LRP2: variants seen among roughly 807,000 people sequenced by gnomAD.
LRP2 encodes the protein low-density lipoprotein receptor-related protein 2.
Under a neutral mutation model 531.0 loss-of-function variants are expected in LRP2, and 172 were observed. That is an observed-to-expected ratio of 0.32 (90% CI 0.29 to 0.37). The LOEUF (loss-of-function observed/expected upper bound fraction) is 0.37, where lower values mean the gene tolerates loss of function less well. Ranked by LOEUF, LRP2 falls within the 10% of genes least tolerant of loss-of-function variation. LRP2 has a pLI of 1.00. For missense variants in LRP2, 5,167 were observed against 5,868.3 expected, an observed-to-expected ratio of 0.88 and a Z score of 3.90; for synonymous variants, 1,992 against 2,027.6, an observed-to-expected ratio of 0.98 and a Z score of 0.47.
At chr2:169,285,140 G>A (rs144663912) in intron 9 of LRP2, among the ~76,000 whole-genome samples, 45 of 141,556 alleles carry the variant, frequency 3.2e-4, no homozygotes, top group African/African-American at 1.0e-3. Context: ...AAGGGTTTAT[G>A]TGTACTAAGA....
intron 34 of LRP2, 36 bp downstream of exon 34, chr2:169,220,418 C>T (rs781217837): frequency 7.0e-6 from 10 of 1,436,174 alleles, no homozygotes; most frequent in Non-Finnish European, 7.9e-6. Flanking sequence ...AAGAACAATG[C>T]TGCATGGAAG....
chr2:169,294,025 A>T, intron 6 of LRP2, 123 bp downstream of exon 6: 1 of 747,154 alleles, frequency 1.3e-6, no homozygotes, highest in Non-Finnish European at 2.5e-6. Flanking sequence ...CATCAAACGT[A>T]GTGACTCTTC....
intron 68 of LRP2, among the ~76,000 whole-genome samples, chr2:169,148,844 G>C (rs984775104): frequency 6.6e-6 from 1 of 152,114 alleles, no homozygotes; most frequent in Non-Finnish European, 1.5e-5. Flanking sequence ...ATCCATCTAG[G>C]TTCTATGTCA....
rs537026678 is a variant in LRP2, at chr2:169,143,769, T to C, written c.12989-976A>G. ...AAGCTCCCTAGGTAAGTCTAGAGCC[T>C]TATTAATTCTACCTTAGCATGTATT... On this transcript the variant is annotated intron_variant, in intron 70 of 78. Transcript: ENST00000649046. 2.4e-3 allele frequency among the ~76,000 whole-genome samples: 372 copies of C among 152,350 alleles called. 1 individual carries two copies. The highest frequency in any genetic ancestry group is 8.4e-3 in the African/African-American group (351 of 41,588).
chr2:169,146,593 G>A (rs1685922092), intron 69 of LRP2, 146 bp downstream of exon 69: 2 of 621,414 alleles, frequency 3.2e-6, no homozygotes, highest in African/African-American at 3.7e-5. Context: ...TCAGCAGGTG[G>A]GAGTTGGTGG....
At chr2:169,256,497 T>C (rs541896626) in intron 18 of LRP2, among the ~76,000 whole-genome samples, 1 of 152,298 alleles carries the variant, frequency 6.6e-6, no homozygotes, top group South Asian at 2.1e-4. Flanking sequence ...ATTTTCTCCT[T>C]GTGAAATCAA....
At chr2:169,258,920 C>A (rs2105410851) in intron 17 of LRP2, 105 bp downstream of exon 17, 2 of 1,016,418 alleles carry the variant, frequency 2.0e-6, no homozygotes, top group South Asian at 2.6e-5. Context: ...TTATACAGTT[C>A]AATCTTATAT....
chr2:169,196,094 G>A (rs1262034584), intron 46 of LRP2, among the ~76,000 whole-genome samples: 2 of 152,096 alleles, frequency 1.3e-5, no homozygotes, highest in Non-Finnish European at 1.5e-5. Flanking sequence ...AGACAAGGAC[G>A]AGCAAACTTT....
At chr2:169,309,770 G>T (rs1013475171) in intron 3 of LRP2, among the ~76,000 whole-genome samples, 7 of 152,146 alleles carry the variant, frequency 4.6e-5, no homozygotes, top group African/African-American at 1.7e-4. Flanking sequence ...GAAAGTCATT[G>T]GTAGCTTGAT....
At chr2:169,221,180 A>G (rs1299568021) in intron 33 of LRP2, among the ~76,000 whole-genome samples, 1 of 152,182 alleles carries the variant, frequency 6.6e-6, no homozygotes, top group Non-Finnish European at 1.5e-5. Flanking sequence ...ACCTTACGGG[A>G]CTAAGAGATA....
At chr2:169,342,128 A>G (rs1192356133) in intron 1 of LRP2, among the ~76,000 whole-genome samples, 1 of 152,118 alleles carries the variant, frequency 6.6e-6, no homozygotes, top group Non-Finnish European at 1.5e-5. Flanking sequence ...TCAGTGAACT[A>G]AAACAAAGAA....
chr2:169,219,491 C>T lies in LRP2; in HGVS notation c.5648+963G>A, dbSNP rs567706053. ...AGACCATTTTCTCCTAACTGGTCTCCCTGGCCCTGGCCTCTCTCCACATCA... is the reference window on the plus strand; with the variant it reads ...AGACCATTTTCTCCTAACTGGTCTCTCTGGCCCTGGCCTCTCTCCACATCA... On this transcript the variant is annotated intron_variant, in intron 34 of 78. Transcript: ENST00000649046. 5.3e-5 allele frequency among the ~76,000 whole-genome samples: 8 copies of T among 152,326 alleles called. No homozygotes were observed. The South Asian group carries it at 8.3e-4, about 16-fold the overall frequency.
In LRP2 at chr2:169,158,542, A is replaced by C. The variant is rs116165413; in HGVS notation, c.11888-1040T>G. 6.4e-3 allele frequency among the ~76,000 whole-genome samples: 978 copies of C among 152,114 alleles called. 3 individuals carry two copies. The highest frequency in any genetic ancestry group is 0.011 in the Non-Finnish European group (742 of 67,920). On this transcript the variant is annotated intron_variant, in intron 63 of 78. Transcript: ENST00000649046. ...GGTTTCAAAGATGTTAAAATATAAA[A>C]AAATACATCTTAGAAGCAATAAGTT...
In LRP2 at chr2:169,162,640, T is replaced by C. The variant is rs774905165; in HGVS notation, c.11759-40A>G. 4 of 1,608,456 alleles carry C rather than the reference T, an allele frequency of 2.5e-6. No individual in the cohort carries two copies. In the East Asian group the frequency reaches 6.7e-5, roughly 27 times the overall value. ...CAAGTTAAAATCAAAACTTTTTCTT[T>C]TATGAAGCAAGATACTTCCTTCTTT... is the stretch of plus-strand genomic sequence containing the variant. On this transcript the variant is annotated intron_variant, in intron 62 of 78. Transcript: ENST00000649046.
At chr2:169,245,959 C>A (rs1335556371) in intron 21 of LRP2, among the ~76,000 whole-genome samples, 1 of 152,166 alleles carries the variant, frequency 6.6e-6, no homozygotes, top group Non-Finnish European at 1.5e-5. Flanking sequence ...CAGCCTCAAC[C>A]TCCCCAGCTC....
rs1477584124 is a variant in LRP2 at position 169,139,356 on chromosome 2, A to T, written c.13283T>A (p.Leu4428Gln). The T allele has an allele frequency of 6.2e-7, 1 of 1,614,206 alleles. No homozygotes were observed. The highest frequency in any genetic ancestry group is 8.5e-7 in the Non-Finnish European group (1 of 1,180,034). ...TACGACGATCAAGAGGATTGTCAACAGCACAGCTACTGCGGCTATAGAAGA... is the reference window on the plus strand; with the variant it reads ...TACGACGATCAAGAGGATTGTCAACTGCACAGCTACTGCGGCTATAGAAGA... ...ISPGTTAVAV[L>Q]LTILLIVVIG... Residue 4428 changes from leucine (L) to glutamine (Q), a missense_variant, in exon 74 of 79, where the codon CTG (leucine) becomes CAG (glutamine). By Grantham distance (113) the Leu-to-Gln change is moderately radical. This residue lies in a region of LRP2 where 348 missense variants were observed against 369.3 expected (regional missense o/e 0.94). Coordinates refer to ENST00000649046, the MANE Select transcript of LRP2 (RefSeq NM_004525.3).
At position 169,279,503 on chromosome 2, in the gene LRP2, A is replaced by G; in HGVS notation, c.1434T>C (p.Asn478=). The part of the protein sequence containing the change: ...TPENLAVDWV[N]NKIYLVETKV... ...TGGTTTCCACTAGATAGATTTTATTATTAACCCAGTCCACAGCCAGGTTCT... is the reference window on the plus strand; with the variant it reads ...TGGTTTCCACTAGATAGATTTTATTGTTAACCCAGTCCACAGCCAGGTTCT... Residue 478 remains asparagine (N), a synonymous_variant, in exon 12 of 79, where the codon AAT becomes AAC. Transcript: ENST00000649046. The G allele has an allele frequency of 6.2e-7, 1 of 1,613,822 alleles. No individual in the cohort carries two copies. The highest frequency in any genetic ancestry group is 8.5e-7 in the Non-Finnish European group (1 of 1,179,756).
chr2:169,262,450 AACAG>A (rs1341343424), intron 16 of LRP2, among the ~76,000 whole-genome samples: 1 of 127,044 alleles, frequency 7.9e-6, no homozygotes, highest in Non-Finnish European at 1.7e-5. Context: ...ATACACCAAT[AACAG>A]ACAAACAGAG....
rs1241511727 is a variant in LRP2 at position 169,128,664 on chromosome 2, T to C, written c.13967A>G (p.Ter4656TrpextTer8). 2 of 1,613,714 alleles carry C rather than the reference T, an allele frequency of 1.2e-6. No homozygotes were observed. The highest frequency in any genetic ancestry group is 2.7e-5 in the African/African-American group (2 of 74,926). The change falls in exon 79 of 79, where the codon TAG (stop) becomes TGG (tryptophan). Residue 4656 changes from the stop codon to tryptophan (W), a stop_lost. Coordinates refer to ENST00000649046, the MANE Select transcript of LRP2 (RefSeq NM_004525.3). Reference sequence around the variant, plus strand: ...TTATTCCCTAAATAGCTGGTATAGCTATACTTCAGAGTCTTCTTTAACAAG... The same window carrying C: ...TTATTCCCTAAATAGCTGGTATAGCCATACTTCAGAGTCTTCTTTAACAAG... ...ANLVKEDSEV* is the reference protein window; with the variant it reads ...ANLVKEDSEVW
Sources: allele counts gnomAD v4.1 joint callset (sites outside exome capture counted in the v4.1 genomes callset), GRCh38; gene constraint gnomAD v4.1.1; regional missense constraint gnomAD v4.1.1; transcripts MANE v1.5; gene names NCBI Gene and HGNC (gene_info 2026-07-23, HGNC 2026-07-21).